TNRC6C: variants seen among roughly 807,000 people sequenced by gnomAD.
TNRC6C encodes the protein trinucleotide repeat containing adaptor 6C.
A neutral mutation model predicts 153.7 loss-of-function variants in TNRC6C; 20 were observed. The observed-to-expected ratio is 0.13, with a 90% CI of 0.09 to 0.19. The LOEUF (loss-of-function observed/expected upper bound fraction) is 0.19, where lower values mean the gene tolerates loss of function less well. Ranked by LOEUF, TNRC6C falls within the 10% of genes least tolerant of loss-of-function variation. The probability of loss-of-function intolerance (pLI) is 1.00; values close to 1 mark genes in which losing one functional copy is unlikely to be tolerated. For synonymous variants in TNRC6C, 811 were observed against 841.4 expected (o/e 0.96, Z 0.63); for missense variants, 1,987 against 2,172.0 (o/e 0.91, Z 1.69).
chr17:78,009,494 A>C (rs566660671), intron 1 of TNRC6C, among the ~76,000 whole-genome samples: 10 of 152,172 alleles, frequency 6.6e-5, no homozygotes, highest in Non-Finnish European at 1.3e-4. Flanking sequence ...TAATCTTACC[A>C]TGTATGAAAG....
intron 3 of TNRC6C, among the ~76,000 whole-genome samples, chr17:78,060,880 G>C (rs2072755085): frequency 6.6e-6 from 1 of 152,168 alleles, no homozygotes; most frequent in African/African-American, 2.4e-5. Flanking sequence ...TTAATTATCT[G>C]TAGTGCTTAA....
Position 78,075,529 on chromosome 17 carries a change from G to T in TNRC6C, c.3060+251G>T. 1 of 507,634 alleles carries T rather than the reference G, an allele frequency of 2.0e-6. No homozygotes were observed. 31.4% of individuals were successfully genotyped at this position (507,634 alleles called of 1,614,324 possible). On this transcript the variant is annotated intron_variant, in intron 8 of 19. Transcript: ENST00000301624. The surrounding 1 kb of genome is among the most constrained non-coding windows in gnomAD (Gnocchi z 4.2). ...TCATATTTATTGTGTGAACTTGGCTGGTTATCTGCTTCAATTTGTCCAATG... is the reference window on the plus strand; with the variant it reads ...TCATATTTATTGTGTGAACTTGGCTTGTTATCTGCTTCAATTTGTCCAATG...
At chr17:78,052,358 T>C (rs2072554696) in intron 3 of TNRC6C, among the ~76,000 whole-genome samples, 1 of 152,142 alleles carries the variant, frequency 6.6e-6, no homozygotes. Flanking sequence ...GAGATCACCA[T>C]ACACAGTGAA....
chr17:78,015,653 G>A (rs919058819), intron 1 of TNRC6C, among the ~76,000 whole-genome samples: 7 of 152,210 alleles, frequency 4.6e-5, no homozygotes, highest in African/African-American at 1.4e-4. Flanking sequence ...GGCTCAGCCT[G>A]TAATCCCAGC....
chr17:78,057,260 G>A (rs1333297016), intron 3 of TNRC6C, among the ~76,000 whole-genome samples: 1 of 152,156 alleles, frequency 6.6e-6, no homozygotes, highest in Admixed American at 6.5e-5. Context: ...TTCCTGCCCT[G>A]TATTACCTGT....
At chr17:78,069,891 A>G (rs976096051) in intron 5 of TNRC6C, among the ~76,000 whole-genome samples, 1 of 152,192 alleles carries the variant, frequency 6.6e-6, no homozygotes, top group Non-Finnish European at 1.5e-5. Flanking sequence ...ATCAGCTTCT[A>G]CAGAATGTTC....
intron 15 of TNRC6C, chr17:78,093,406 T>A: frequency 4.3e-6 from 3 of 695,246 alleles, no homozygotes; most frequent in Non-Finnish European, 7.1e-6. Flanking sequence ...TCCAACCCTG[T>A]GTGAAAACTA....
intron 1 of TNRC6C, among the ~76,000 whole-genome samples, chr17:77,966,756 A>G (rs1176696255): frequency 6.6e-6 from 1 of 152,162 alleles, no homozygotes; most frequent in East Asian, 1.9e-4. Flanking sequence ...ATTATGGTGG[A>G]TACTCTCAAT....
chr17:78,068,169 TTA>T (rs2072920773), intron 5 of TNRC6C, among the ~76,000 whole-genome samples: 1 of 152,114 alleles, frequency 6.6e-6, no homozygotes, highest in East Asian at 1.9e-4. Context: ...CCAGAGAACT[TTA>T]TTGTAGCAGA....
At chr17:78,085,767 T>A (rs2144488158) in intron 11 of TNRC6C, among the ~76,000 whole-genome samples, 1 of 152,160 alleles carries the variant, frequency 6.6e-6, no homozygotes, top group African/African-American at 2.4e-5. Flanking sequence ...TTTGGGACAG[T>A]TACTACCAGT....
chr17:77,976,521 G>T (rs1359064155), intron 1 of TNRC6C, among the ~76,000 whole-genome samples: 1 of 152,174 alleles, frequency 6.6e-6, no homozygotes, highest in African/African-American at 2.4e-5. Context: ...GTCTCCTGTG[G>T]TATTATCTTA....
At chr17:77,977,330 A>T (rs2071015641) in intron 1 of TNRC6C, among the ~76,000 whole-genome samples, 2 of 152,194 alleles carry the variant, frequency 1.3e-5, no homozygotes. Flanking sequence ...ACAAAGTTTG[A>T]TGAGATAGGA....
chr17:78,012,571 T>C (rs1202188218), intron 1 of TNRC6C, among the ~76,000 whole-genome samples: 1 of 152,208 alleles, frequency 6.6e-6, no homozygotes, highest in Non-Finnish European at 1.5e-5. Context: ...AGCAAATATA[T>C]GTATATGCAA....
rs2144367771 is a variant in TNRC6C, at chr17:78,077,369, TG to T, written c.3210+36del. 1.9e-6 allele frequency: 3 copies of T among 1,556,886 alleles called. No homozygotes were observed. In the East Asian group the frequency reaches 7.2e-5, roughly 37 times the overall value. Reference sequence around the variant, plus strand: ...TTTGGAGAGAGCAAAACATGGCCTTTGTTTTACCTGCCTTCTAAAAAATGTG... The same window carrying T: ...TTTGGAGAGAGCAAAACATGGCCTTTTTTTACCTGCCTTCTAAAAAATGTG... On this transcript the variant is annotated intron_variant, in intron 9 of 19. Transcript: ENST00000301624.
chr17:77,982,567 C>T (rs908327788), intron 1 of TNRC6C, among the ~76,000 whole-genome samples: 4 of 152,210 alleles, frequency 2.6e-5, no homozygotes, highest in Admixed American at 2.6e-4. Context: ...CGCGGTGGCT[C>T]ATGCCTGTAG....
chr17:78,095,913 T>C (rs1347916384), intron 16 of TNRC6C, among the ~76,000 whole-genome samples: 1 of 152,106 alleles, frequency 6.6e-6, no homozygotes, highest in Non-Finnish European at 1.5e-5. Context: ...TAGCTGCGTG[T>C]GGTGGCACAC....
intron 18 of TNRC6C, 131 bp downstream of exon 21, chr17:78,102,675 G>C (rs1339438096): frequency 1.1e-6 from 1 of 875,366 alleles, no homozygotes. Context: ...AAGTGACGCT[G>C]CATGGGAGGA....
At chr17:78,071,013 G>A in intron 5 of TNRC6C, 72 bp from the exon 8 acceptor site, 1 of 1,406,478 alleles carries the variant, frequency 7.1e-7, no homozygotes, top group Non-Finnish European at 9.8e-7. Flanking sequence ...AATTTAGGCT[G>A]TCTCCCATTT....
intron 1 of TNRC6C, among the ~76,000 whole-genome samples, chr17:77,988,606 C>T (rs1401355324): frequency 6.6e-6 from 1 of 152,106 alleles, no homozygotes; most frequent in Non-Finnish European, 1.5e-5. Context: ...ATTTTTACCA[C>T]CAGGGGCTAT....
Sources: gnomAD v4.1 joint callset for allele counts (sites outside exome capture counted in the v4.1 genomes callset) on GRCh38, gnomAD v4.1.1 for gene constraint, Gnocchi (gnomAD v3.1) non-coding constraint, MANE v1.5 for transcripts, NCBI Gene and HGNC (gene_info 2026-07-23, HGNC 2026-07-21) for gene names.